Variants in ALDH1A2 observed in about 807,000 individuals in gnomAD.
ALDH1A2 encodes the protein retinal dehydrogenase 2.
A neutral mutation model predicts 60.3 loss-of-function variants in ALDH1A2; 27 were observed. That is an observed-to-expected ratio of 0.45 (90% CI 0.33 to 0.62). The LOEUF (loss-of-function observed/expected upper bound fraction) is 0.62. Among genes scored for constraint, ALDH1A2 ranks in the 20% least tolerant of loss-of-function variants. The pLI, the probability that ALDH1A2 is intolerant of heterozygous loss-of-function variation, is 0.02. For synonymous variants in ALDH1A2, 289 were observed against 232.4 expected (o/e 1.24, Z -2.21); for missense variants, 581 against 643.8 (o/e 0.90, Z 1.06).
intron 1 of ALDH1A2, among the ~76,000 whole-genome samples, chr15:58,021,875 AATTGGTGGTG>A (rs1895938390): frequency 6.6e-6 from 1 of 152,164 alleles, no homozygotes; most frequent in Non-Finnish European, 1.5e-5. Context: ...TTGCTGCTGG[AATTGGTGGTG>A]AGCTGGGCAG....
chr15:58,037,335 T>A (rs1896401107), intron 1 of ALDH1A2, among the ~76,000 whole-genome samples: 1 of 151,486 alleles, frequency 6.6e-6, no homozygotes, highest in Non-Finnish European at 1.5e-5. Context: ...GGAAGGACAG[T>A]TAAAAAATGG....
intron 1 of ALDH1A2, among the ~76,000 whole-genome samples, chr15:58,062,875 A>G (rs1897079143): frequency 6.6e-6 from 1 of 152,224 alleles, no homozygotes. Context: ...GTAACTGCCT[A>G]AAAGTCCATA....
chr15:57,963,860 A>G (rs946659347), intron 9 of ALDH1A2, 25 bp downstream of exon 9: 1 of 1,613,620 alleles, frequency 6.2e-7, no homozygotes, highest in Non-Finnish European at 8.5e-7. Flanking sequence ...TAAGTAAACA[A>G]AGGGAATGGT....
chr15:57,990,784 G>A (rs1166780586), intron 7 of ALDH1A2: 3 of 151,112 alleles, frequency 2.0e-5, no homozygotes, highest in South Asian at 2.1e-4. Context: ...GCTGAGGCAG[G>A]AGAATCGCTT....
intron 1 of ALDH1A2, among the ~76,000 whole-genome samples, chr15:58,015,895 C>G (rs117834652): frequency 0.031 from 4,713 of 152,276 alleles, 107 homozygotes; most frequent in Non-Finnish European, 0.045. Context: ...TTCATTCACT[C>G]TATTTAATAA....
intron 1 of ALDH1A2, among the ~76,000 whole-genome samples, chr15:58,062,405 C>T (rs546516757): frequency 6.6e-6 from 1 of 152,260 alleles, no homozygotes; most frequent in Admixed American, 6.5e-5. Flanking sequence ...TTCCAAAGAC[C>T]TGGGAATCTG....
At position 58,013,858 on chromosome 15, in the gene ALDH1A2, T is replaced by C; in HGVS notation, c.363A>G (p.Ala121=). The C allele has an allele frequency of 1.2e-6, 2 of 1,614,194 alleles. No homozygotes were observed. The highest frequency in any genetic ancestry group is 1.7e-6 in the Non-Finnish European group (2 of 1,180,010). ...CTTAATGTTTTCTTAGGTTACTTACTGCAAGAACTGCCCTGTCCCGTTCCA... is the reference window on the plus strand; with the variant it reads ...CTTAATGTTTTCTTAGGTTACTTACCGCAAGAACTGCCCTGTCCCGTTCCA... ...DLVERDRAVL[A]TMESLNGGKP... is the part of the protein sequence containing the mutation. The change falls in exon 3 of 13, where the codon GCA becomes GCG. Residue 121 remains alanine, a splice_region_variant and synonymous_variant. Transcript: ENST00000249750.
intron 12 of ALDH1A2, 66 bp from the exon 13 acceptor site, chr15:57,955,335 G>A: frequency 6.5e-7 from 1 of 1,534,206 alleles, no homozygotes; most frequent in South Asian, 1.1e-5. Context: ...AGTGCAGCGG[G>A]AGTCCTGGGG....
At chr15:58,029,020 G>A (rs1332570837) in intron 1 of ALDH1A2, among the ~76,000 whole-genome samples, 3 of 152,104 alleles carry the variant, frequency 2.0e-5, no homozygotes, top group African/African-American at 7.2e-5. Context: ...GGATATCCAG[G>A]ACTTGAACTC....
intron 1 of ALDH1A2, among the ~76,000 whole-genome samples, chr15:58,023,466 A>T (rs942363735): frequency 2.0e-5 from 3 of 152,214 alleles, no homozygotes; most frequent in African/African-American, 7.2e-5. Context: ...GGCAGATACA[A>T]TATGAAAAGG....
chr15:58,023,201 T>C (rs973817805), intron 1 of ALDH1A2, among the ~76,000 whole-genome samples: 6 of 152,054 alleles, frequency 3.9e-5, no homozygotes, highest in African/African-American at 7.2e-5. Context: ...GGGAAAAAAA[T>C]GCATTTAAAA....
At chr15:58,027,034 G>C (rs1896098266) in intron 1 of ALDH1A2, among the ~76,000 whole-genome samples, 1 of 152,206 alleles carries the variant, frequency 6.6e-6, no homozygotes, top group Non-Finnish European at 1.5e-5. Flanking sequence ...GGTTTTCCCA[G>C]CACGGTGTTT....
intron 7 of ALDH1A2, among the ~76,000 whole-genome samples, chr15:57,969,885 C>T (rs533996308): frequency 5.9e-5 from 9 of 152,236 alleles, no homozygotes; most frequent in Non-Finnish European, 7.3e-5. Context: ...GGCTTATGGA[C>T]GACAGTTTGG....
intron 1 of ALDH1A2, among the ~76,000 whole-genome samples, chr15:58,048,061 C>G: frequency 6.6e-6 from 1 of 151,882 alleles, no homozygotes; most frequent in East Asian, 1.9e-4. Context: ...ATTGCAGGCC[C>G]TGAACCCCAC....
intron 11 of ALDH1A2, 85 bp downstream of exon 11, chr15:57,961,052 C>T: frequency 6.4e-7 from 1 of 1,565,058 alleles, no homozygotes; most frequent in East Asian, 2.2e-5. Context: ...TGGTATTCCC[C>T]ATCCTTCCAA....
chr15:58,033,138 T>C (rs1896289108), intron 1 of ALDH1A2, among the ~76,000 whole-genome samples: 1 of 152,026 alleles, frequency 6.6e-6, no homozygotes, highest in Non-Finnish European at 1.5e-5. Context: ...AAAAATGTAC[T>C]GTACTTAAGT....
At chr15:57,985,517 G>C (rs1894667633) in intron 7 of ALDH1A2, among the ~76,000 whole-genome samples, 1 of 152,126 alleles carries the variant, frequency 6.6e-6, no homozygotes, top group African/African-American at 2.4e-5. Flanking sequence ...ACAAAACCAA[G>C]TGGCTGGTCC....
In ALDH1A2 at chr15:58,065,602, C is replaced by T. The variant is rs143084397; in HGVS notation, c.49G>A (p.Ala17Thr). 6.3e-4 allele frequency: 1,012 copies of T among 1,611,152 alleles called. 7 individuals carry two copies. In the Middle Eastern group the frequency reaches 0.019, roughly 30 times the overall value. The stretch of plus-strand genomic sequence containing the variant: ...AGGTGCAGCGACGCCATGAGGGCGG[C>T]GGGGTCGGCCTTCACCTCGCCGGGC... ...EMPGEVKADP[A>T]ALMASLHLLP... Residue 17 changes from alanine to threonine, a missense_variant, in exon 1 of 13, where the codon GCC becomes ACC. This residue lies in a region of ALDH1A2 where 206 missense variants were observed against 174.1 expected (regional missense o/e 1.18). Transcript: ENST00000249750.
chr15:57,965,228 G>C (rs1393717396), intron 8 of ALDH1A2, among the ~76,000 whole-genome samples: 1 of 152,200 alleles, frequency 6.6e-6, no homozygotes, highest in Non-Finnish European at 1.5e-5. Flanking sequence ...ACCCACGTGT[G>C]CTGTCATCCT....
Sources: gnomAD v4.1 joint callset for allele counts (sites outside exome capture counted in the v4.1 genomes callset) on GRCh38, gnomAD v4.1.1 for gene constraint, gnomAD v4.1.1 regional missense constraint, MANE v1.5 for transcripts, NCBI Gene and HGNC (gene_info 2026-07-23, HGNC 2026-07-21) for gene names.